Variants in KIF6 observed in about 807,000 individuals in gnomAD.
KIF6 encodes the protein kinesin-like protein KIF6.
A neutral mutation model predicts 112.7 loss-of-function variants in KIF6; 106 were observed. The observed-to-expected ratio is 0.94, with a 90% CI of 0.80 to 1.11. The LOEUF is 1.11. Among genes scored for constraint, KIF6 ranks in the 50% least tolerant of loss-of-function variants. The pLI, the probability that KIF6 is intolerant of heterozygous loss-of-function variation, is 0.00. For synonymous variants in KIF6, 339 were observed against 339.9 expected, an observed-to-expected ratio of 1.00 and a Z score of 0.03; for missense variants, 929 against 964.0, an observed-to-expected ratio of 0.96 and a Z score of 0.48.
At chr6:39,636,475 T>G (rs1784628703) in intron 4 of KIF6, among the ~76,000 whole-genome samples, 1 of 152,024 alleles carries the variant, frequency 6.6e-6, no homozygotes, top group African/African-American at 2.4e-5. Flanking sequence ...TTGATTACAT[T>G]AGTATCCTAG....
intron 22 of KIF6, among the ~76,000 whole-genome samples, chr6:39,338,233 G>A (rs1290254761): frequency 6.6e-6 from 1 of 152,358 alleles, no homozygotes; most frequent in East Asian, 1.9e-4. Flanking sequence ...AGGTGAGCAG[G>A]CAGCTGCAGC....
At chr6:39,620,047 C>T (rs1428947565) in intron 5 of KIF6, among the ~76,000 whole-genome samples, 1 of 152,140 alleles carries the variant, frequency 6.6e-6, no homozygotes, top group Non-Finnish European at 1.5e-5. Context: ...CGCCAGACAT[C>T]ATCATTTGCA....
At chr6:39,557,079 A>G (rs1779743999) in intron 10 of KIF6, among the ~76,000 whole-genome samples, 1 of 152,114 alleles carries the variant, frequency 6.6e-6, no homozygotes, top group South Asian at 2.1e-4. Flanking sequence ...GTGCACATAT[A>G]TATGTATATG....
intron 13 of KIF6, among the ~76,000 whole-genome samples, chr6:39,450,280 G>A (rs1772603441): frequency 6.6e-6 from 1 of 152,142 alleles, no homozygotes; most frequent in African/African-American, 2.4e-5. Flanking sequence ...CATTATGGAT[G>A]GATTATGTTA....
At position 39,336,423 on chromosome 6, in the gene KIF6, T is replaced by C. The variant is rs993399014; in HGVS notation, c.*109A>G. 3.7e-6 allele frequency: 4 copies of C among 1,066,704 alleles called. No homozygotes were observed. Among genetic ancestry groups the C allele is most frequent in the African/African-American group, 1.6e-5 (1 of 63,708 alleles). The allele number at this position is 1,066,704 out of a possible 1,614,324, so 66.1% of individuals were successfully genotyped here. On this transcript the variant is annotated 3_prime_UTR_variant, in exon 23 of 23. Transcript: ENST00000287152. ...CATGGGAATCAAAGTCACTAGTTGC[T>C]CCCAGCAGCCCATAGTTCACTTCTG...
At chr6:39,616,009 A>C (rs1055326816) in intron 5 of KIF6, among the ~76,000 whole-genome samples, 1 of 152,186 alleles carries the variant, frequency 6.6e-6, no homozygotes, top group African/African-American at 2.4e-5. Context: ...AATAGTAAGG[A>C]CACCTAATAC....
intron 13 of KIF6, among the ~76,000 whole-genome samples, chr6:39,515,747 A>T (rs1777051054): frequency 6.6e-6 from 1 of 152,096 alleles, no homozygotes; most frequent in African/African-American, 2.4e-5. Flanking sequence ...CTGCTGACTG[A>T]CTCTGGAGAA....
intron 16 of KIF6, among the ~76,000 whole-genome samples, chr6:39,382,592 T>A (rs1266875052): frequency 6.6e-6 from 1 of 152,202 alleles, no homozygotes; most frequent in Non-Finnish European, 1.5e-5. Flanking sequence ...TGATTCCATG[T>A]CTTTGCTATT....
intron 19 of KIF6, chr6:39,354,125 T>G (rs1202662900): frequency 2.8e-6 from 1 of 351,680 alleles, no homozygotes; most frequent in Non-Finnish European, 5.7e-6. Context: ...CCATCTGGGA[T>G]GGAAGGCATG....
intron 15 of KIF6, among the ~76,000 whole-genome samples, chr6:39,418,725 G>C (rs1209843715): frequency 3.9e-5 from 6 of 152,192 alleles, no homozygotes; most frequent in South Asian, 4.1e-4. Context: ...TCTGGGTCTG[G>C]CTGCCTCAGC....
intron 13 of KIF6, among the ~76,000 whole-genome samples, chr6:39,437,506 T>C (rs1400743899): frequency 1.3e-5 from 2 of 152,238 alleles, no homozygotes; most frequent in African/African-American, 4.8e-5. Flanking sequence ...CGTCTTTCCT[T>C]CTGGATAGCA....
intron 15 of KIF6, among the ~76,000 whole-genome samples, chr6:39,413,668 G>T (rs543589978): frequency 2.1e-3 from 312 of 152,164 alleles, no homozygotes; most frequent in African/African-American, 7.0e-3. Context: ...GCCACTAACT[G>T]GGGAGAGGCT....
intron 18 of KIF6, among the ~76,000 whole-genome samples, chr6:39,359,036 T>G (rs1251599588): frequency 6.6e-6 from 1 of 152,222 alleles, no homozygotes; most frequent in Non-Finnish European, 1.5e-5. Flanking sequence ...TTCTTTGTTA[T>G]CTCGTGTATT....
chr6:39,544,959 A>G (rs1433418548), intron 11 of KIF6, among the ~76,000 whole-genome samples: 1 of 152,018 alleles, frequency 6.6e-6, no homozygotes, highest in East Asian at 1.9e-4. Flanking sequence ...ACTCAACATT[A>G]TCTCTTCTTG....
intron 16 of KIF6, among the ~76,000 whole-genome samples, chr6:39,383,480 C>T (rs182389039): frequency 6.1e-4 from 93 of 152,206 alleles, no homozygotes; most frequent in African/African-American, 2.2e-3. Context: ...AGGTGTGCAG[C>T]TTTATTTCAG....
At chr6:39,706,341 T>G (rs1189799612) in intron 3 of KIF6, among the ~76,000 whole-genome samples, 2 of 152,220 alleles carry the variant, frequency 1.3e-5, no homozygotes, top group Non-Finnish European at 2.9e-5. Context: ...TGTGCATCTT[T>G]AATACATTCT....
At chr6:39,625,686 G>A (rs530319279) in intron 5 of KIF6, among the ~76,000 whole-genome samples, 3 of 152,202 alleles carry the variant, frequency 2.0e-5, no homozygotes, top group Non-Finnish European at 4.4e-5. Flanking sequence ...AATGCAAAAG[G>A]TAGTAGTAAG....
chr6:39,430,929 T>C, intron 14 of KIF6, 124 bp downstream of exon 14: 2 of 585,162 alleles, frequency 3.4e-6, no homozygotes, highest in South Asian at 4.6e-5. Context: ...TGAAACTGAA[T>C]AAACATTATG....
At chr6:39,370,284 G>C (rs1270128112) in intron 16 of KIF6, among the ~76,000 whole-genome samples, 1 of 152,204 alleles carries the variant, frequency 6.6e-6, no homozygotes, top group African/African-American at 2.4e-5. Flanking sequence ...CTTTTGGGGA[G>C]AGCAGTTTTT....
Sources: allele counts gnomAD v4.1 joint callset (sites outside exome capture counted in the v4.1 genomes callset), GRCh38; gene constraint gnomAD v4.1.1; transcripts MANE v1.5; gene names NCBI Gene and HGNC (gene_info 2026-07-23, HGNC 2026-07-21).